The following SH3GL2 variants were observed in gnomAD, a reference collection of about 807,000 sequenced individuals.
SH3GL2 encodes SH3 domain containing GRB2 like 2, endophilin A1.
SH3GL2 carries 24 observed loss-of-function variants against 46.0 expected under a neutral mutation model. The ratio of observed to expected loss-of-function variants is 0.52; its 90% CI spans 0.38 to 0.73. The LOEUF (loss-of-function observed/expected upper bound fraction) is 0.73. Ranked by LOEUF, SH3GL2 falls within the 30% of genes least tolerant of loss-of-function variation. The pLI, the probability that SH3GL2 is intolerant of heterozygous loss-of-function variation, is 0.00. For missense variants in SH3GL2, 413 were observed against 424.2 expected (o/e 0.97, Z 0.23); for synonymous variants, 196 against 147.1 (o/e 1.33, Z -2.40).
intron 7 of SH3GL2, among the ~76,000 whole-genome samples, chr9:17,792,322 C>T (rs1824154469): frequency 6.6e-6 from 1 of 152,182 alleles, no homozygotes; most frequent in East Asian, 1.9e-4. Context: ...TTCAAAGATA[C>T]TAAAGAAATA....
intron 1 of SH3GL2, among the ~76,000 whole-genome samples, chr9:17,622,861 A>G (rs931061340): frequency 3.9e-5 from 6 of 152,114 alleles, no homozygotes; most frequent in African/African-American, 1.4e-4. Flanking sequence ...AAGACTGCCA[A>G]TCCTCTGCCG....
At chr9:17,621,356 C>T (rs926100609) in intron 1 of SH3GL2, among the ~76,000 whole-genome samples, 2 of 152,134 alleles carry the variant, frequency 1.3e-5, no homozygotes, top group Non-Finnish European at 2.9e-5. Context: ...AATTTATGTC[C>T]GCAACTACGT....
Position 17,743,786 on chromosome 9 carries a change from A to G in SH3GL2, c.46-3280A>G, listed in dbSNP as rs543668546. On this transcript the variant is annotated intron_variant, in intron 1 of 8. Transcript: ENST00000380607. ...TTAAAATCACTCTATATTTAACAGT[A>G]TAGGATTGAAAGTGTGATGTAGGCC... Among the ~76,000 whole-genome samples, 87 of 152,322 alleles carry G rather than the reference A, an allele frequency of 5.7e-4. 1 individual carries two copies. Among genetic ancestry groups the G allele is most frequent in the African/African-American group, 1.5e-3 (64 of 41,572 alleles).
At chr9:17,648,812 A>G (rs74858494) in intron 1 of SH3GL2, among the ~76,000 whole-genome samples, 227 of 152,332 alleles carry the variant, frequency 1.5e-3, no homozygotes, top group Non-Finnish European at 2.6e-3. Flanking sequence ...GTTGAAAATG[A>G]TGAAAACAAC....
At chr9:17,778,782 G>A (rs912228228) in intron 3 of SH3GL2, among the ~76,000 whole-genome samples, 7 of 152,104 alleles carry the variant, frequency 4.6e-5, no homozygotes, top group Admixed American at 6.6e-5. Context: ...AGAGCTGACC[G>A]AATTTGCTGA....
intron 1 of SH3GL2, among the ~76,000 whole-genome samples, chr9:17,603,819 C>T (rs924173039): frequency 3.9e-5 from 6 of 152,068 alleles, no homozygotes; most frequent in East Asian, 1.9e-4. Flanking sequence ...GAGCTGAGAT[C>T]GTGCCATTGC....
At chr9:17,732,173 T>TA (rs1231945238) in intron 1 of SH3GL2, among the ~76,000 whole-genome samples, 1 of 152,094 alleles carries the variant, frequency 6.6e-6, no homozygotes, top group Non-Finnish European at 1.5e-5. Context: ...TATTACCCTT[T>TA]AAAAAATAAC....
chr9:17,793,111 A>T (rs1382475353), intron 7 of SH3GL2, among the ~76,000 whole-genome samples: 9 of 152,138 alleles, frequency 5.9e-5, no homozygotes, highest in Non-Finnish European at 1.3e-4. Flanking sequence ...TGGATAAAGG[A>T]CTCTGAATAA....
At chr9:17,654,149 C>T (rs1238552947) in intron 1 of SH3GL2, among the ~76,000 whole-genome samples, 2 of 152,214 alleles carry the variant, frequency 1.3e-5, no homozygotes, top group African/African-American at 4.8e-5. Context: ...TCATCTTTCC[C>T]AGTTGGAAGA....
intron 1 of SH3GL2, among the ~76,000 whole-genome samples, chr9:17,581,998 G>A (rs781260180): frequency 1.2e-4 from 19 of 152,194 alleles, no homozygotes; most frequent in Admixed American, 3.9e-4. Flanking sequence ...GGGTTTATAA[G>A]TGGAAGGAGT....
At chr9:17,645,518 C>T (rs998960997) in intron 1 of SH3GL2, among the ~76,000 whole-genome samples, 1 of 151,990 alleles carries the variant, frequency 6.6e-6, no homozygotes, top group African/African-American at 2.4e-5. Flanking sequence ...ACTGGTTTTT[C>T]CTTACCATAT....
intron 1 of SH3GL2, among the ~76,000 whole-genome samples, chr9:17,742,554 C>T (rs1472221444): frequency 6.6e-6 from 1 of 152,186 alleles, no homozygotes; most frequent in Non-Finnish European, 1.5e-5. Flanking sequence ...GTGAGGTGAG[C>T]AGTCTTATTT....
chr9:17,614,793 C>G (rs1048154505), intron 1 of SH3GL2, among the ~76,000 whole-genome samples: 3 of 152,138 alleles, frequency 2.0e-5, no homozygotes, highest in Non-Finnish European at 4.4e-5. Context: ...TGAAGTTTGT[C>G]TTTGCTCTTT....
At chr9:17,655,665 C>G (rs1820056533) in intron 1 of SH3GL2, among the ~76,000 whole-genome samples, 1 of 152,154 alleles carries the variant, frequency 6.6e-6, no homozygotes, top group South Asian at 2.1e-4. Flanking sequence ...AGAACCTTTT[C>G]TTTATTTTTC....
At position 17,731,910 on chromosome 9, in the gene SH3GL2, A is replaced by G. The variant is rs542125131; in HGVS notation, c.46-15156A>G. The stretch of plus-strand genomic sequence containing the variant: ...CCTCACAGTATCCTCAGTGCCGGAC[A>G]TACAAAAGACATTCAGTGACTATTT... On this transcript the variant is annotated intron_variant, in intron 1 of 8. Coordinates refer to ENST00000380607, the MANE Select transcript of SH3GL2 (RefSeq NM_003026.5). Among the ~76,000 whole-genome samples the G allele has an allele frequency of 1.3e-3, 200 of 152,254 alleles. 2 individuals are homozygous for G. Among genetic ancestry groups the G allele is most frequent in the African/African-American group, 4.6e-3 (191 of 41,568 alleles).
chr9:17,610,743 A>G (rs1818846280), intron 1 of SH3GL2, among the ~76,000 whole-genome samples: 1 of 151,800 alleles, frequency 6.6e-6, no homozygotes, highest in African/African-American at 2.4e-5. Flanking sequence ...TTTTTTTAAT[A>G]AAAGCGAATA....
intron 1 of SH3GL2, among the ~76,000 whole-genome samples, chr9:17,605,201 A>G (rs986742117): frequency 6.6e-6 from 1 of 151,950 alleles, no homozygotes; most frequent in African/African-American, 2.4e-5. Context: ...CTTGTCTTGA[A>G]CACCTGGCCT....
chr9:17,682,947 C>A (rs1202426824), intron 1 of SH3GL2, among the ~76,000 whole-genome samples: 1 of 144,598 alleles, frequency 6.9e-6, no homozygotes, highest in Non-Finnish European at 1.5e-5. Context: ...AGAAAGCTCA[C>A]AGAGTGTTGC....
intron 2 of SH3GL2, among the ~76,000 whole-genome samples, chr9:17,760,969 G>C (rs986815354): frequency 7.2e-5 from 11 of 152,134 alleles, no homozygotes; most frequent in Non-Finnish European, 1.2e-4. Context: ...GGACAGACTA[G>C]AAGTCTTTGC....
Sources: gnomAD v4.1 joint callset for allele counts (sites outside exome capture counted in the v4.1 genomes callset) on GRCh38, gnomAD v4.1.1 for gene constraint, MANE v1.5 for transcripts, NCBI Gene and HGNC (gene_info 2026-07-23, HGNC 2026-07-21) for gene names.